RPS6KC1: variants seen among roughly 807,000 people sequenced by gnomAD.
RPS6KC1 encodes the protein inactive ribosomal protein S6 kinase delta-1.
In RPS6KC1, 54 loss-of-function variants were observed where a neutral mutation model predicts 103.8. That is an observed-to-expected ratio of 0.52 (90% CI 0.42 to 0.65). The LOEUF (loss-of-function observed/expected upper bound fraction) is 0.65. Ranked by LOEUF, RPS6KC1 falls within the 30% of genes least tolerant of loss-of-function variation. The pLI, the probability that RPS6KC1 is intolerant of heterozygous loss-of-function variation, is 0.00. For missense variants in RPS6KC1, 1,151 were observed against 1,253.8 expected, an observed-to-expected ratio of 0.92 and a Z score of 1.24; for synonymous variants, 439 against 438.7, an observed-to-expected ratio of 1.00 and a Z score of -0.01.
chr1:213,397,214 C>T, the RPS6KC1 span, among the ~76,000 whole-genome samples: 5 of 152,076 alleles, frequency 3.3e-5, no homozygotes, highest in Non-Finnish European at 4.4e-5. Flanking sequence ...ATTGCTCAGG[C>T]GACCCAACTC....
intron 7 of RPS6KC1, among the ~76,000 whole-genome samples, chr1:213,168,814 G>T (rs2091226816): frequency 6.6e-6 from 1 of 151,964 alleles, no homozygotes; most frequent in South Asian, 2.1e-4. Flanking sequence ...AGTAGAGACA[G>T]GGTTTCACCA....
chr1:213,316,132 C>A, the RPS6KC1 span, among the ~76,000 whole-genome samples: 1 of 152,140 alleles, frequency 6.6e-6, no homozygotes, highest in Non-Finnish European at 1.5e-5. Context: ...ACGCTGTTCC[C>A]TGTGATAGTG....
At position 213,241,423 on chromosome 1, in the gene RPS6KC1, A is replaced by G. The variant is rs1271260014; in HGVS notation, c.1947A>G (p.Glu649=). 15 of 1,613,856 alleles carry G rather than the reference A, an allele frequency of 9.3e-6. No individual in the cohort carries two copies. Among genetic ancestry groups the G allele is most frequent in the African/African-American group, 1.3e-5 (1 of 74,918 alleles). The change falls in exon 11 of 15, where the codon GAA becomes GAG. Residue 649 remains glutamate, a synonymous_variant. Transcript: ENST00000366960. ...DSASRSFNTS[E]SKVEFKAQDT... ...CTTCTAGGAGTTTTAATACTAGTGAAAGCAAGGTAGAGTTTAAAGCTCAGG... is the reference window on the plus strand; with the variant it reads ...CTTCTAGGAGTTTTAATACTAGTGAGAGCAAGGTAGAGTTTAAAGCTCAGG...
At chr1:213,184,511 C>G (rs1398482548) in intron 8 of RPS6KC1, among the ~76,000 whole-genome samples, 1 of 151,044 alleles carries the variant, frequency 6.6e-6, no homozygotes, top group Non-Finnish European at 1.5e-5. Flanking sequence ...TTTATTTCCC[C>G]TCTGATCTTT....
At chr1:213,387,975 C>T in the RPS6KC1 span, among the ~76,000 whole-genome samples, 1 of 152,242 alleles carries the variant, frequency 6.6e-6, no homozygotes, top group East Asian at 1.9e-4. Context: ...GGTTCCTAAC[C>T]TCAGTGTGAG....
At chr1:213,056,215 A>G (rs901502843) in intron 1 of RPS6KC1, among the ~76,000 whole-genome samples, 1 of 152,186 alleles carries the variant, frequency 6.6e-6, no homozygotes, top group African/African-American at 2.4e-5. Context: ...AAATTAACAC[A>G]TTTGTCACAG....
the RPS6KC1 span, among the ~76,000 whole-genome samples, chr1:213,539,854 A>G: frequency 2.0e-5 from 2 of 100,118 alleles, no homozygotes; most frequent in African/African-American, 5.4e-5. Context: ...AAAGCAGGTC[A>G]CACACATTTT....
rs544524260 is a variant in RPS6KC1 at position 213,272,763 on chromosome 1, T to TG, written c.*136dup. 1.3e-3 allele frequency: 877 copies of TG among 653,940 alleles called. 7 individuals carry two copies. Among genetic ancestry groups the TG allele is most frequent in the Admixed American group, 5.3e-4 (20 of 37,872 alleles). The allele number at this position is 653,940 out of a possible 1,614,324, so 40.5% of individuals were successfully genotyped here. Reference sequence around the variant, plus strand: ...TTTGGATAAAGACCGTTATAGGAAATGGGGGGGAAATGGCTAAAAGAGAAC... The same window carrying TG: ...TTTGGATAAAGACCGTTATAGGAAATGGGGGGGGAAATGGCTAAAAGAGAAC... On this transcript the variant is annotated 3_prime_UTR_variant, in exon 15 of 15. Coordinates refer to ENST00000366960, the MANE Select transcript of RPS6KC1 (RefSeq NM_012424.6).
chr1:213,694,879 A>G, the RPS6KC1 span, among the ~76,000 whole-genome samples: 2,367 of 152,312 alleles, frequency 0.016, 56 homozygotes, highest in African/African-American at 0.054. Flanking sequence ...GAGGGATGGC[A>G]GGAAAACCAG....
intron 6 of RPS6KC1, among the ~76,000 whole-genome samples, chr1:213,162,460 TTTTG>T (rs2090572130): frequency 6.6e-6 from 1 of 152,052 alleles, no homozygotes; most frequent in Non-Finnish European, 1.5e-5. Context: ...AAAAAAAATT[TTTTG>T]TAAAGATGGG....
chr1:213,437,333 A>G, the RPS6KC1 span, among the ~76,000 whole-genome samples: 3 of 152,090 alleles, frequency 2.0e-5, no homozygotes, highest in East Asian at 5.8e-4. Flanking sequence ...TTCAAATTCT[A>G]AATTAACACT....
chr1:213,341,419 T>C, the RPS6KC1 span, among the ~76,000 whole-genome samples: 3 of 152,200 alleles, frequency 2.0e-5, no homozygotes, highest in Non-Finnish European at 2.9e-5. Context: ...AATGAAATGT[T>C]TGGACTCCAG....
the RPS6KC1 span, among the ~76,000 whole-genome samples, chr1:213,744,510 A>C: frequency 6.6e-6 from 1 of 152,298 alleles, no homozygotes; most frequent in South Asian, 2.1e-4. Flanking sequence ...GTTCTGAAGC[A>C]ATGTCCTACT....
At chr1:213,741,091 G>T in the RPS6KC1 span, among the ~76,000 whole-genome samples, 8 of 148,650 alleles carry the variant, frequency 5.4e-5, no homozygotes, top group African/African-American at 1.7e-4. Flanking sequence ...AATGTATATA[G>T]AGAGAAACAT....
chr1:213,499,201 A>C, the RPS6KC1 span, among the ~76,000 whole-genome samples: 8 of 152,198 alleles, frequency 5.3e-5, no homozygotes, highest in African/African-American at 1.9e-4. Context: ...CTAGTTGTAG[A>C]AAAAGCATAA....
chr1:213,258,083 G>A (rs1332348591), intron 12 of RPS6KC1, among the ~76,000 whole-genome samples: 1 of 152,126 alleles, frequency 6.6e-6, no homozygotes, highest in African/African-American at 2.4e-5. Context: ...CTGGGTTCAA[G>A]CAATTCCTCT....
chr1:213,381,301 C>T, the RPS6KC1 span, among the ~76,000 whole-genome samples: 1 of 152,130 alleles, frequency 6.6e-6, no homozygotes, highest in Non-Finnish European at 1.5e-5. Flanking sequence ...TTTTTCTTTC[C>T]TCCTCGCTCC....
chr1:213,680,313 T>C, the RPS6KC1 span, among the ~76,000 whole-genome samples: 2 of 152,174 alleles, frequency 1.3e-5, no homozygotes, highest in East Asian at 3.9e-4. Context: ...CAGCACGAGA[T>C]GTGAATCAGT....
chr1:213,855,969 G>A, the RPS6KC1 span, among the ~76,000 whole-genome samples: 1 of 152,334 alleles, frequency 6.6e-6, no homozygotes, highest in East Asian at 1.9e-4. Context: ...CCTCCTGTCT[G>A]CCTGGGCAGA....
Sources: gnomAD v4.1 joint callset for allele counts (sites outside exome capture counted in the v4.1 genomes callset) on GRCh38, gnomAD v4.1.1 for gene constraint, MANE v1.5 for transcripts, NCBI Gene and HGNC (gene_info 2026-07-23, HGNC 2026-07-21) for gene names.